The following GRXCR2 variants were observed in gnomAD, a reference collection of about 807,000 sequenced individuals.
GRXCR2 encodes the protein glutaredoxin and cysteine rich domain containing 2.
GRXCR2 carries 23 observed loss-of-function variants against 24.8 expected under a neutral mutation model. The observed-to-expected ratio is 0.93, with a 90% CI of 0.67 to 1.32. The LOEUF (loss-of-function observed/expected upper bound fraction) is 1.32, where lower values mean the gene tolerates loss of function less well. Ranked by LOEUF, GRXCR2 falls within the 40% of genes most tolerant of loss-of-function variation. The pLI is 0.00. For synonymous variants in GRXCR2, 130 were observed against 116.1 expected (o/e 1.12, Z -0.77); for missense variants, 315 against 303.4 (o/e 1.04, Z -0.28).
chr5:145,876,630 A>G (rs1201839978), upstream of GRXCR2, among the ~76,000 whole-genome samples: 3 of 152,176 alleles, frequency 2.0e-5, no homozygotes, highest in Non-Finnish European at 4.4e-5. Context: ...TGTCAGTAAC[A>G]ACAACAAAAA....
chr5:145,882,868 T>C (rs1756722776), intron 2 of GRXCR2, among the ~76,000 whole-genome samples: 1 of 152,088 alleles, frequency 6.6e-6, no homozygotes, highest in African/African-American at 2.4e-5. Context: ...CCATGTCCTT[T>C]GCAGGGACAT....
intron 2 of GRXCR2, among the ~76,000 whole-genome samples, chr5:145,900,574 C>CAA (rs1421330204): frequency 1.3e-5 from 2 of 152,114 alleles, no homozygotes; most frequent in Non-Finnish European, 2.9e-5. Flanking sequence ...AAATGCAAAT[C>CAA]AAAACCACAG....
At chr5:145,898,651 T>G (rs1362512020) in intron 2 of GRXCR2, among the ~76,000 whole-genome samples, 1 of 152,062 alleles carries the variant, frequency 6.6e-6, no homozygotes, top group East Asian at 1.9e-4. Flanking sequence ...TAAATGTAAT[T>G]CACCACATAA....
chr5:145,927,994 A>G (rs535604841), intron 2 of GRXCR2, among the ~76,000 whole-genome samples: 2 of 152,308 alleles, frequency 1.3e-5, no homozygotes, highest in South Asian at 2.1e-4. Flanking sequence ...AATTTTTGCA[A>G]TCTACTCATC....
rs1756303267 is a variant in GRXCR2 at position 145,859,874 on chromosome 5, C to A, written c.606G>T (p.Gly202=). 2 of 1,603,308 alleles carry A rather than the reference C, an allele frequency of 1.2e-6. No individual in the cohort carries two copies. Reference sequence around the variant, plus strand: ...ACAGAGAGCAGGTGGCACTGCCCGACCCTCGGCAGTGAAAACAGCTGTCCT... The same window carrying A: ...ACAGAGAGCAGGTGGCACTGCCCGAACCTCGGCAGTGAAAACAGCTGTCCT... ...IPEDSCFHCR[G]SGSATCSLCH... is the part of the protein sequence containing the mutation. Residue 202 remains glycine, a synonymous_variant, in exon 3 of 3, where the codon GGG becomes GGT. Coordinates refer to ENST00000377976, the MANE Select transcript of GRXCR2 (RefSeq NM_001080516.2).
intron 2 of GRXCR2, among the ~76,000 whole-genome samples, chr5:145,925,265 T>C (rs529874606): frequency 6.6e-6 from 1 of 152,338 alleles, no homozygotes; most frequent in East Asian, 1.9e-4. Context: ...TTAGAAATGA[T>C]GCCAGAAAAA....
At chr5:145,867,350 C>G (rs1756455053) in intron 1 of GRXCR2, among the ~76,000 whole-genome samples, 1 of 152,078 alleles carries the variant, frequency 6.6e-6, no homozygotes, top group African/African-American at 2.4e-5. Flanking sequence ...GTCTGTCACC[C>G]TAAAGCCCAT....
intron 2 of GRXCR2, among the ~76,000 whole-genome samples, chr5:145,930,164 A>G (rs1045577654): frequency 6.6e-6 from 1 of 152,088 alleles, no homozygotes; most frequent in African/African-American, 2.4e-5. Flanking sequence ...AGCTCACTGC[A>G]GCCTCTGCCT....
At chr5:145,872,469 C>A (rs1432084618) in intron 1 of GRXCR2, among the ~76,000 whole-genome samples, 164 bp downstream of exon 1, 1 of 152,146 alleles carries the variant, frequency 6.6e-6, no homozygotes, top group Admixed American at 6.5e-5. Context: ...GTTATTTTTA[C>A]CCCAGAAATA....
intron 2 of GRXCR2, among the ~76,000 whole-genome samples, chr5:145,905,399 C>T (rs542118878): frequency 3.3e-5 from 5 of 152,186 alleles, no homozygotes; most frequent in Admixed American, 1.3e-4. Flanking sequence ...ACCACAGTGA[C>T]GAAGAGAGAA....
chr5:145,867,216 A>T (rs1756453236), intron 1 of GRXCR2, among the ~76,000 whole-genome samples: 1 of 152,216 alleles, frequency 6.6e-6, no homozygotes, highest in African/African-American at 2.4e-5. Flanking sequence ...CTCCCCAAAC[A>T]TCCCTATGAG....
chr5:145,911,006 G>C (rs934389227), intron 2 of GRXCR2, among the ~76,000 whole-genome samples: 3 of 150,894 alleles, frequency 2.0e-5, no homozygotes, highest in African/African-American at 7.3e-5. Context: ...TTTTTTTTTG[G>C]AAGCAAATTT....
At position 145,907,443 on chromosome 5, in the gene GRXCR2, C is replaced by A. The variant is rs1361793857; in HGVS notation, c.-70+28258G>T. ...GCTTGGGAGGCCAAAGCAGGAGAAT[C>A]GCTGGAACCCAGGAGGCGGAGGTTG... On this transcript the variant is annotated intron_variant, in intron 2 of 3. Transcript: ENST00000639411. Among the ~76,000 whole-genome samples the A allele has an allele frequency of 5.3e-5, 8 of 151,878 alleles. No homozygotes were observed. The South Asian group carries it at 8.3e-4, about 16-fold the overall frequency.
intron 2 of GRXCR2, among the ~76,000 whole-genome samples, chr5:145,913,399 C>T (rs1452776909): frequency 6.6e-6 from 1 of 150,970 alleles, no homozygotes; most frequent in African/African-American, 2.4e-5. Context: ...GGCTCAGGAA[C>T]TAGGCAAGAG....
chr5:145,882,605 A>T (rs1756719201), intron 2 of GRXCR2, among the ~76,000 whole-genome samples: 1 of 152,162 alleles, frequency 6.6e-6, no homozygotes, highest in Non-Finnish European at 1.5e-5. Context: ...ATTGTGGAAG[A>T]CAGTGTGGCG....
chr5:145,866,765 C>T (rs1360955524), intron 1 of GRXCR2, 37 bp from the exon 2 acceptor site: 1 of 1,343,192 alleles, frequency 7.4e-7, no homozygotes, highest in Non-Finnish European at 1.1e-6. Context: ...AACTTTACCA[C>T]CAATCACCAA....
chr5:145,891,467 C>T (rs1426616756), intron 2 of GRXCR2, among the ~76,000 whole-genome samples: 3 of 152,182 alleles, frequency 2.0e-5, no homozygotes, highest in Non-Finnish European at 4.4e-5. Flanking sequence ...TCTTAGCAAA[C>T]GGCACACCAG....
chr5:145,876,422 T>C (rs1333882164), upstream of GRXCR2, among the ~76,000 whole-genome samples: 1 of 151,210 alleles, frequency 6.6e-6, no homozygotes, highest in African/African-American at 2.4e-5. Context: ...GACCAAGGCA[T>C]GCAACAATTA....
intron 2 of GRXCR2, among the ~76,000 whole-genome samples, chr5:145,889,237 A>AAAGAAAGAAAGAAAGG (rs1554105359): frequency 1.3e-5 from 2 of 151,302 alleles, no homozygotes; most frequent in Middle Eastern, 3.4e-3. Context: ...AGAAAGAAAG[A>AAAGAAAGAAAGAAAGG]AAGAAAGAAT....
Sources: gnomAD v4.1 joint callset for allele counts (sites outside exome capture counted in the v4.1 genomes callset) on GRCh38, gnomAD v4.1.1 for gene constraint, MANE v1.5 for transcripts, NCBI Gene and HGNC (gene_info 2026-07-23, HGNC 2026-07-21) for gene names.